Variants in ADAMTS17 observed in about 807,000 individuals in gnomAD.
ADAMTS17 encodes A disintegrin and metalloproteinase with thrombospondin motifs 17.
ADAMTS17 carries 113 observed loss-of-function variants against 141.5 expected under a neutral mutation model. The ratio of observed to expected loss-of-function variants is 0.80; its 90% CI spans 0.69 to 0.93. The LOEUF is 0.93. Ranked by LOEUF, ADAMTS17 falls within the 40% of genes least tolerant of loss-of-function variation. ADAMTS17 has a pLI of 0.00. For synonymous variants in ADAMTS17, 768 were observed against 630.6 expected, an observed-to-expected ratio of 1.22 and a Z score of -3.27; for missense variants, 1,659 against 1,517.9, an observed-to-expected ratio of 1.09 and a Z score of -1.54.
At chr15:100,229,757 C>T (rs1467419234) in intron 7 of ADAMTS17, among the ~76,000 whole-genome samples, 1 of 152,224 alleles carries the variant, frequency 6.6e-6, no homozygotes, top group African/African-American at 2.4e-5. Context: ...AGTTCCCTCT[C>T]CCTGACCAAA....
chr15:100,110,891 G>C (rs779459199), intron 13 of ADAMTS17, among the ~76,000 whole-genome samples: 12 of 152,102 alleles, frequency 7.9e-5, no homozygotes, highest in Non-Finnish European at 1.6e-4. Flanking sequence ...GTGCTGTCTC[G>C]TGACTGGAGG....
At chr15:100,080,237 T>C (rs11858544) in intron 15 of ADAMTS17, among the ~76,000 whole-genome samples, 23,759 of 152,018 alleles carry the variant, frequency 0.16, 3,603 homozygotes, top group African/African-American at 0.4. Flanking sequence ...GGAGACACAA[T>C]GATTCCATTA....
chr15:100,154,023 A>T (rs915803304), intron 9 of ADAMTS17, among the ~76,000 whole-genome samples: 20 of 152,328 alleles, frequency 1.3e-4, no homozygotes, highest in Non-Finnish European at 2.4e-4. Flanking sequence ...TCTACTAAAA[A>T]TACAAAAATT....
intron 3 of ADAMTS17, among the ~76,000 whole-genome samples, chr15:100,308,597 G>A (rs539224600): frequency 6.6e-6 from 1 of 152,268 alleles, no homozygotes; most frequent in South Asian, 2.1e-4. Flanking sequence ...TAATATGGTT[G>A]AAACTGGAAT....
intron 18 of ADAMTS17, among the ~76,000 whole-genome samples, chr15:100,034,210 G>T (rs895805843): frequency 1.3e-5 from 2 of 152,232 alleles, no homozygotes; most frequent in Non-Finnish European, 2.9e-5. Flanking sequence ...ACAAGGCTGG[G>T]ATTCTCAAAG....
Position 100,278,688 on chromosome 15 carries a change from A to G in ADAMTS17, c.789+2541T>C, listed in dbSNP as rs567403549. 5.9e-5 allele frequency among the ~76,000 whole-genome samples: 9 copies of G among 152,332 alleles called. No homozygotes were observed. In the East Asian group the frequency reaches 9.6e-4, roughly 16 times the overall value. The stretch of plus-strand genomic sequence containing the variant: ...GGCATGTCCCGAAAGCCAGTCCTGG[A>G]AAGTCTTCAACGAAATGGAAGACAA... On this transcript the variant is annotated intron_variant, in intron 4 of 21. Transcript: ENST00000268070.
chr15:100,310,012 G>T (rs758709087), intron 3 of ADAMTS17, among the ~76,000 whole-genome samples: 1 of 152,224 alleles, frequency 6.6e-6, no homozygotes, highest in Admixed American at 6.5e-5. Context: ...GGGATGCACA[G>T]ATGCTCTTGT....
chr15:100,317,549 TG>T (rs2045603947), intron 3 of ADAMTS17, among the ~76,000 whole-genome samples: 1 of 151,978 alleles, frequency 6.6e-6, no homozygotes, highest in African/African-American at 2.4e-5. Flanking sequence ...GATGAGCCGG[TG>T]GGGACACATC....
intron 8 of ADAMTS17, among the ~76,000 whole-genome samples, chr15:100,156,291 T>C (rs570810534): frequency 1.3e-3 from 196 of 152,312 alleles, no homozygotes; most frequent in African/African-American, 4.5e-3. Context: ...CAACCCTGCT[T>C]GTTGCCTAAT....
intron 7 of ADAMTS17, among the ~76,000 whole-genome samples, chr15:100,233,814 T>C (rs551513943): frequency 1.3e-5 from 2 of 151,630 alleles, no homozygotes; most frequent in South Asian, 4.2e-4. Context: ...AAGCTGGAGA[T>C]GGAGGCGAGC....
rs1208280402 is a variant in ADAMTS17, at chr15:99,988,239, C to T, written c.2949+4809G>A. Among the ~76,000 whole-genome samples, 8 of 152,016 alleles carry T rather than the reference C, an allele frequency of 5.3e-5. 1 individual carries two copies. The highest frequency in any genetic ancestry group is 3.3e-4 in the Admixed American group (5 of 15,260). The stretch of plus-strand genomic sequence containing the variant: ...GTGGGAGGTGTCTGGGTCACGGGCA[C>T]GAGTCCCTCAGGAATGCCTTGATGT... On this transcript the variant is annotated intron_variant, in intron 20 of 21. Coordinates refer to ENST00000268070, the MANE Select transcript of ADAMTS17 (RefSeq NM_139057.4).
intron 12 of ADAMTS17, among the ~76,000 whole-genome samples, chr15:100,124,401 A>G (rs1055125554): frequency 1.3e-5 from 2 of 152,256 alleles, no homozygotes; most frequent in Admixed American, 1.3e-4. Flanking sequence ...GTTGATGAGG[A>G]AAGTACCAAT....
chr15:100,059,761 G>C (rs138617770), intron 15 of ADAMTS17, among the ~76,000 whole-genome samples: 1,609 of 152,294 alleles, frequency 0.011, 29 homozygotes, highest in African/African-American at 0.037. Flanking sequence ...CTCCTGCCTT[G>C]CGTTAGCTGC....
chr15:100,003,007 G>C (rs964418592), intron 18 of ADAMTS17, among the ~76,000 whole-genome samples: 2 of 152,102 alleles, frequency 1.3e-5, no homozygotes, highest in Admixed American at 1.3e-4. Flanking sequence ...CCTCCTCTGG[G>C]GCTGCCCCTG....
At chr15:100,315,780 T>G in intron 3 of ADAMTS17, among the ~76,000 whole-genome samples, 1 of 152,174 alleles carries the variant, frequency 6.6e-6, no homozygotes, top group East Asian at 1.9e-4. Flanking sequence ...TATACAGAAT[T>G]TAACTCATAC....
intron 3 of ADAMTS17, among the ~76,000 whole-genome samples, chr15:100,282,848 A>ATCTTC (rs1227349112): frequency 1.3e-5 from 2 of 152,240 alleles, no homozygotes; most frequent in Admixed American, 1.3e-4. Flanking sequence ...TGACTTAGAG[A>ATCTTC]TCTAGAGAAG....
intron 4 of ADAMTS17, among the ~76,000 whole-genome samples, chr15:100,278,348 G>C (rs924327305): frequency 2.0e-5 from 3 of 148,918 alleles, no homozygotes; most frequent in Admixed American, 2.0e-4. Context: ...AAAAAACCCA[G>C]AAAAAGAAAC....
intron 8 of ADAMTS17, among the ~76,000 whole-genome samples, chr15:100,162,442 ATATAGT>A (rs1567284400): frequency 7.6e-6 from 1 of 131,384 alleles, no homozygotes; most frequent in Non-Finnish European, 1.6e-5. Context: ...ATATATACAC[ATATAGT>A]TATATATATG....
chr15:99,987,702 G>C (rs2060618179), intron 20 of ADAMTS17, among the ~76,000 whole-genome samples: 1 of 152,178 alleles, frequency 6.6e-6, no homozygotes, highest in Non-Finnish European at 1.5e-5. Context: ...CAGGGAGTAA[G>C]GACATGGGGT....
Sources: gnomAD v4.1 joint callset for allele counts (sites outside exome capture counted in the v4.1 genomes callset) on GRCh38, gnomAD v4.1.1 for gene constraint, MANE v1.5 for transcripts, NCBI Gene and HGNC (gene_info 2026-07-23, HGNC 2026-07-21) for gene names.